The following LIMD1 variants were observed in gnomAD, a reference collection of about 807,000 sequenced individuals.
LIMD1 encodes LIM domain-containing protein 1.
Under a neutral mutation model 58.4 loss-of-function variants are expected in LIMD1, and 23 were observed. That is an observed-to-expected ratio of 0.39 (90% CI 0.28 to 0.56). LIMD1 has a LOEUF of 0.56. Among genes scored for constraint, LIMD1 ranks in the 20% least tolerant of loss-of-function variants. The pLI, the probability that LIMD1 is intolerant of heterozygous loss-of-function variation, is 0.57. For synonymous variants in LIMD1, 334 were observed against 345.5 expected (o/e 0.97, Z 0.37); for missense variants, 838 against 855.5 (o/e 0.98, Z 0.25).
At chr3:45,649,792 A>G (rs1701947477) in intron 2 of LIMD1, among the ~76,000 whole-genome samples, 1 of 140,396 alleles carries the variant, frequency 7.1e-6, no homozygotes, top group South Asian at 2.2e-4. Flanking sequence ...AAATATATAT[A>G]TTGCTGGATA....
intron 1 of LIMD1, among the ~76,000 whole-genome samples, chr3:45,598,836 G>A (rs1701381681): frequency 6.6e-6 from 1 of 152,206 alleles, no homozygotes; most frequent in South Asian, 2.1e-4. Context: ...AGAGCAGACA[G>A]CAAGCACAGA....
intron 2 of LIMD1, among the ~76,000 whole-genome samples, chr3:45,654,486 C>G (rs1260162291): frequency 6.6e-6 from 1 of 152,138 alleles, no homozygotes; most frequent in Non-Finnish European, 1.5e-5. Context: ...CCGGCTTTAT[C>G]AGATGCATTT....
intron 2 of LIMD1, among the ~76,000 whole-genome samples, chr3:45,646,029 C>CAA (rs35353411): frequency 2.6e-4 from 25 of 96,854 alleles, no homozygotes; most frequent in South Asian, 3.8e-4. Flanking sequence ...GACTCTGTCT[C>CAA]AAAAAAAAAA....
chr3:45,628,013 A>AAAAAAAAG (rs1701683457), intron 1 of LIMD1, among the ~76,000 whole-genome samples: 1 of 147,520 alleles, frequency 6.8e-6, no homozygotes, highest in African/African-American at 2.5e-5. Flanking sequence ...ATCTCAAAAA[A>AAAAAAAAG]AAAAAAGAAA....
At chr3:45,675,077 G>C (rs547703277) in intron 7 of LIMD1, among the ~76,000 whole-genome samples, 13 of 152,278 alleles carry the variant, frequency 8.5e-5, no homozygotes, top group African/African-American at 3.1e-4. Flanking sequence ...AGAGAATGGG[G>C]GTGTCCCTCA....
chr3:45,642,774 T>C (rs1051154466), intron 2 of LIMD1, among the ~76,000 whole-genome samples: 1 of 152,202 alleles, frequency 6.6e-6, no homozygotes, highest in Non-Finnish European at 1.5e-5. Context: ...TTTCCTTCTG[T>C]GGGATTGTTT....
At chr3:45,658,514 A>G (rs1697376400) in intron 2 of LIMD1, among the ~76,000 whole-genome samples, 1 of 128,664 alleles carries the variant, frequency 7.8e-6, no homozygotes. Flanking sequence ...GAAATAAACC[A>G]TCCCCTCCAC....
intron 1 of LIMD1, among the ~76,000 whole-genome samples, chr3:45,604,460 A>T (rs918747593): frequency 6.6e-6 from 1 of 152,182 alleles, no homozygotes; most frequent in Non-Finnish European, 1.5e-5. Flanking sequence ...CAGCAGGTCA[A>T]TGATGCATAC....
chr3:45,635,335 G>T (rs1249808152), intron 1 of LIMD1, among the ~76,000 whole-genome samples: 1 of 152,090 alleles, frequency 6.6e-6, no homozygotes, highest in Admixed American at 6.6e-5. Flanking sequence ...GGAAGGAATC[G>T]TGGGGCAGGC....
chr3:45,664,482 T>C (rs374740104), intron 2 of LIMD1, among the ~76,000 whole-genome samples: 3 of 152,284 alleles, frequency 2.0e-5, no homozygotes, highest in African/African-American at 7.2e-5. Context: ...CTCAGAGTAT[T>C]AAAAAGTCCT....
At chr3:45,657,606 T>A (rs975799200) in intron 2 of LIMD1, among the ~76,000 whole-genome samples, 2 of 151,214 alleles carry the variant, frequency 1.3e-5, no homozygotes, top group African/African-American at 2.4e-5. Flanking sequence ...ATTCTGCATA[T>A]AGGTGTGCAT....
intron 3 of LIMD1, 144 bp from the exon 4 acceptor site, chr3:45,668,150 C>T (rs1354543523): frequency 4.7e-6 from 3 of 637,114 alleles, no homozygotes; most frequent in Non-Finnish European, 5.6e-6. Context: ...CAGCCCACAG[C>T]TGTGTTGTAC....
intron 2 of LIMD1, among the ~76,000 whole-genome samples, chr3:45,652,950 G>A (rs1462963999): frequency 1.3e-5 from 2 of 152,208 alleles, no homozygotes; most frequent in African/African-American, 2.4e-5. Context: ...GAATTGGAGC[G>A]TGAGGCAGCA....
At chr3:45,672,333 G>A (rs1002665714) in intron 4 of LIMD1, among the ~76,000 whole-genome samples, 5 of 152,134 alleles carry the variant, frequency 3.3e-5, no homozygotes, top group Non-Finnish European at 7.3e-5. Context: ...TCTTCGTGGT[G>A]GATTTTGGCC....
chr3:45,628,116 G>A (rs764910328), intron 1 of LIMD1, among the ~76,000 whole-genome samples: 1 of 152,138 alleles, frequency 6.6e-6, no homozygotes, highest in Non-Finnish European at 1.5e-5. Flanking sequence ...CCCAGTGACA[G>A]CCCCAGCTAA....
intron 1 of LIMD1, among the ~76,000 whole-genome samples, chr3:45,602,673 G>A (rs553862884): frequency 3.6e-4 from 55 of 152,078 alleles, no homozygotes; most frequent in African/African-American, 1.1e-3. Flanking sequence ...AATGCACAGG[G>A]TTAAACGAGC....
chr3:45,663,868 A>ATTTTTTTTTTTTTTTTTTT lies in LIMD1; in HGVS notation c.1511-1780_1511-1762dup, dbSNP rs553757543. On this transcript the variant is annotated intron_variant, in intron 2 of 7. Transcript: ENST00000273317. ...TAGTGCGTGGCACCATGCCTGGCTAATTTTTTTTTTTTTTTTTTTTGAGAC... is the reference window on the plus strand; with the variant it reads ...TAGTGCGTGGCACCATGCCTGGCTAATTTTTTTTTTTTTTTTTTTTTTTTTTTTTTTTTTTTTTTGAGAC... Among the ~76,000 whole-genome samples, 393 of 102,814 alleles carry ATTTTTTTTTTTTTTTTTTT rather than the reference A, an allele frequency of 3.8e-3. 43 individuals are homozygous for ATTTTTTTTTTTTTTTTTTT. The highest frequency in any genetic ancestry group is 4.7e-3 in the Non-Finnish European group (257 of 54,158). 67.4% of individuals were successfully genotyped at this position (102,814 alleles called of 152,430 possible).
intron 1 of LIMD1, among the ~76,000 whole-genome samples, chr3:45,602,727 A>G (rs1328894464): frequency 1.3e-5 from 2 of 152,072 alleles, no homozygotes; most frequent in Non-Finnish European, 2.9e-5. Context: ...ATGTACCTAC[A>G]TGTCCTATTT....
intron 1 of LIMD1, among the ~76,000 whole-genome samples, chr3:45,621,912 AGTTAGCCAGGCATG>A (rs1559516955): frequency 6.6e-6 from 1 of 152,034 alleles, no homozygotes; most frequent in Non-Finnish European, 1.5e-5. Flanking sequence ...AAAATACAAA[AGTTAGCCAGGCATG>A]GTGGTGCGTG....
Sources: gnomAD v4.1 joint callset for allele counts (sites outside exome capture counted in the v4.1 genomes callset) on GRCh38, gnomAD v4.1.1 for gene constraint, MANE v1.5 for transcripts, NCBI Gene and HGNC (gene_info 2026-07-23, HGNC 2026-07-21) for gene names.